PDE6D: variants seen among roughly 807,000 people sequenced by gnomAD.
PDE6D encodes phosphodiesterase 6D.
A neutral mutation model predicts 21.9 loss-of-function variants in PDE6D; 10 were observed. That is an observed-to-expected ratio of 0.46 (90% confidence interval 0.28 to 0.78). The LOEUF (loss-of-function observed/expected upper bound fraction) is 0.78, where lower values mean the gene tolerates loss of function less well. PDE6D is among the 30% of genes least tolerant of loss of function. The pLI, the probability that PDE6D is intolerant of heterozygous loss-of-function variation, is 0.12. For synonymous variants in PDE6D, 59 were observed against 63.5 expected (o/e 0.93, Z 0.34); for missense variants, 139 against 184.8 (o/e 0.75, Z 1.44).
At chr2:231,778,739 G>A (rs1345628611) in intron 1 of PDE6D, 4 of 152,228 alleles carry the variant, frequency 2.6e-5, no homozygotes, top group Non-Finnish European at 5.9e-5. Flanking sequence ...TAGAGACATA[G>A]TCCAGTATAG....
At chr2:231,737,934 G>T in intron 3 of PDE6D, 79 bp downstream of exon 3, 4 of 1,346,042 alleles carry the variant, frequency 3.0e-6, no homozygotes, top group Non-Finnish European at 4.1e-6. Context: ...TCAAAGCACT[G>T]CTTTAGTTCA....
At chr2:231,746,507 A>C (rs1311205138) in intron 1 of PDE6D, among the ~76,000 whole-genome samples, 1 of 152,222 alleles carries the variant, frequency 6.6e-6, no homozygotes, top group African/African-American at 2.4e-5. Flanking sequence ...GGAAGCCAAA[A>C]GATTGGACAC....
At chr2:231,743,726 T>A (rs1254770602) in intron 1 of PDE6D, among the ~76,000 whole-genome samples, 1 of 151,830 alleles carries the variant, frequency 6.6e-6, no homozygotes, top group Non-Finnish European at 1.5e-5. Flanking sequence ...TTTTTTTTTT[T>A]AAACAACTAA....
chr2:231,762,608 G>A (rs1264381575), intron 1 of PDE6D, among the ~76,000 whole-genome samples: 3 of 152,088 alleles, frequency 2.0e-5, no homozygotes, highest in Non-Finnish European at 4.4e-5. Context: ...CCCTCTCAAA[G>A]TGCTGGGATT....
chr2:231,751,202 G>T (rs556659589), intron 1 of PDE6D, among the ~76,000 whole-genome samples: 1 of 151,882 alleles, frequency 6.6e-6, no homozygotes, highest in African/African-American at 2.4e-5. Context: ...CATTGCCCAG[G>T]CTGGACTGCA....
In PDE6D at chr2:231,739,006, C is replaced by G; in HGVS notation, c.139+94G>C. On this transcript the variant is annotated intron_variant, in intron 2 of 4. Transcript: ENST00000287600. The surrounding 1 kb of genome is among the most constrained non-coding windows in gnomAD (Gnocchi z 4.2). ...CATGCTGTGTCTTCAGGGGCTCACC[C>G]GCCTATTAGGTATGTGTTAACTTAG... 1.3e-6 allele frequency: 1 copy of G among 744,686 alleles called. No individual in the cohort carries two copies. Among genetic ancestry groups the G allele is most frequent in the Non-Finnish European group, 2.4e-6 (1 of 417,654 alleles). 46.1% of individuals were successfully genotyped at this position (744,686 alleles called of 1,614,324 possible).
At chr2:231,747,614 G>C (rs2048804570) in intron 1 of PDE6D, among the ~76,000 whole-genome samples, 1 of 152,146 alleles carries the variant, frequency 6.6e-6, no homozygotes, top group Admixed American at 6.5e-5. Context: ...GAAGGAAAGG[G>C]TCTTTTAAAA....
At chr2:231,769,097 G>C (rs1216607856) in intron 1 of PDE6D, among the ~76,000 whole-genome samples, 1 of 152,104 alleles carries the variant, frequency 6.6e-6, no homozygotes, top group Non-Finnish European at 1.5e-5. Context: ...TCGAACTCCT[G>C]ACCTCATGTG....
intron 1 of PDE6D, among the ~76,000 whole-genome samples, chr2:231,744,420 A>C (rs1383090852): frequency 6.7e-6 from 1 of 150,102 alleles, no homozygotes; most frequent in Non-Finnish European, 1.5e-5. Flanking sequence ...CAGGTTAAGG[A>C]CTTAATTGCT....
At chr2:231,767,440 T>G (rs2048980218) in intron 1 of PDE6D, among the ~76,000 whole-genome samples, 1 of 151,850 alleles carries the variant, frequency 6.6e-6, no homozygotes, top group African/African-American at 2.4e-5. Context: ...CTCAGCTTCC[T>G]GAGTAGCTGG....
chr2:231,748,246 C>T (rs1005908129), intron 1 of PDE6D, among the ~76,000 whole-genome samples: 12 of 152,122 alleles, frequency 7.9e-5, no homozygotes, highest in African/African-American at 2.9e-4. Context: ...GCCCAAAATG[C>T]TGATAGCAAT....
chr2:231,747,854 T>G (rs1365687713), intron 1 of PDE6D, among the ~76,000 whole-genome samples: 1 of 152,228 alleles, frequency 6.6e-6, no homozygotes, highest in African/African-American at 2.4e-5. Context: ...TGAGAGGTTC[T>G]TGGGAACACT....
chr2:231,755,750 G>A (rs2048878234), intron 1 of PDE6D, among the ~76,000 whole-genome samples: 1 of 151,966 alleles, frequency 6.6e-6, no homozygotes, highest in Non-Finnish European at 1.5e-5. Flanking sequence ...GAGAAACCCC[G>A]TCTCTACTAA....
chr2:231,751,835 T>TA (rs1491368833), intron 1 of PDE6D, among the ~76,000 whole-genome samples: 1 of 152,234 alleles, frequency 6.6e-6, no homozygotes, highest in East Asian at 1.9e-4. Flanking sequence ...GAGGGTACTC[T>TA]GTCAGTTTCT....
chr2:231,758,978 G>A (rs1469077645), intron 1 of PDE6D, among the ~76,000 whole-genome samples: 2 of 152,136 alleles, frequency 1.3e-5, no homozygotes, highest in African/African-American at 4.8e-5. Context: ...CAGACAGGAA[G>A]GGGTGGTCCA....
At chr2:231,760,364 T>C (rs778390706) in intron 1 of PDE6D, among the ~76,000 whole-genome samples, 2 of 152,194 alleles carry the variant, frequency 1.3e-5, no homozygotes, top group African/African-American at 2.4e-5. Context: ...ATGCTAATAA[T>C]TTAGATATTA....
intron 1 of PDE6D, among the ~76,000 whole-genome samples, chr2:231,766,028 G>A (rs575014585): frequency 2.1e-4 from 32 of 152,234 alleles, no homozygotes; most frequent in East Asian, 7.7e-4. Context: ...CTAATTCACG[G>A]TCATTTAAAT....
intron 1 of PDE6D, among the ~76,000 whole-genome samples, chr2:231,763,181 G>T (rs899780111): frequency 7.9e-5 from 12 of 152,204 alleles, no homozygotes; most frequent in Non-Finnish European, 1.8e-4. Context: ...GAAATTCAGA[G>T]AGAGTATTTA....
intron 1 of PDE6D, among the ~76,000 whole-genome samples, chr2:231,745,464 C>T (rs765423416): frequency 8.5e-5 from 13 of 152,158 alleles, no homozygotes; most frequent in Admixed American, 5.2e-4. Flanking sequence ...TTTATAAGTT[C>T]TACCCTCTGG....
Sources: allele counts gnomAD v4.1 joint callset (sites outside exome capture counted in the v4.1 genomes callset), GRCh38; gene constraint gnomAD v4.1.1; non-coding constraint Gnocchi (gnomAD v3.1); transcripts MANE v1.5; gene names NCBI Gene and HGNC (gene_info 2026-07-23, HGNC 2026-07-21).